The following CDK14 variants were observed in gnomAD, a reference collection of about 807,000 sequenced individuals.
CDK14 encodes the protein cyclin dependent kinase 14.
Under a neutral mutation model 60.7 loss-of-function variants are expected in CDK14, and 34 were observed. The ratio of observed to expected loss-of-function variants is 0.56; its 90% CI spans 0.43 to 0.75. The LOEUF (loss-of-function observed/expected upper bound fraction) is 0.75, where lower values mean the gene tolerates loss of function less well. Ranked by LOEUF, CDK14 falls within the 30% of genes least tolerant of loss-of-function variation. The pLI is 0.00. For synonymous variants in CDK14, 197 were observed against 203.7 expected (o/e 0.97, Z 0.28); for missense variants, 482 against 564.1 (o/e 0.85, Z 1.47).
At position 91,185,606 on chromosome 7, in the gene CDK14, C is replaced by T. The variant is rs145585194; in HGVS notation, c.*29-21559C>T. Among the ~76,000 whole-genome samples the T allele has an allele frequency of 7.2e-5, 11 of 152,010 alleles. No individual in the cohort carries two copies. The East Asian group carries it at 1.7e-3, about 24-fold the overall frequency. ...ATCATTATAAAATGGGCAAGTTACTCCCAAAACTATGGGAGGCTTTTTACC... is the reference window on the plus strand; with the variant it reads ...ATCATTATAAAATGGGCAAGTTACTTCCAAAACTATGGGAGGCTTTTTACC... On this transcript the variant is annotated intron_variant, in intron 14 of 14. Coordinates refer to ENST00000380050, the MANE Select transcript of CDK14 (RefSeq NM_001287135.2).
chr7:91,110,873 A>G (rs1274479738), intron 12 of CDK14, among the ~76,000 whole-genome samples: 2 of 152,204 alleles, frequency 1.3e-5, no homozygotes, highest in Admixed American at 6.6e-5. Context: ...CATGAAGCCT[A>G]TCTCAAACTT....
chr7:91,055,950 T>C (rs1797538064), intron 11 of CDK14, among the ~76,000 whole-genome samples: 1 of 152,222 alleles, frequency 6.6e-6, no homozygotes, highest in South Asian at 2.1e-4. Context: ...CCTAATGTTT[T>C]ATGTTTATCC....
intron 6 of CDK14, among the ~76,000 whole-genome samples, chr7:90,887,599 T>C (rs1267115573): frequency 6.6e-6 from 1 of 152,190 alleles, no homozygotes; most frequent in East Asian, 1.9e-4. Context: ...TTTTAGTTTG[T>C]CTTGTCTTGG....
intron 2 of CDK14, among the ~76,000 whole-genome samples, chr7:90,719,951 A>G (rs970806787): frequency 1.3e-5 from 2 of 152,224 alleles, no homozygotes; most frequent in Admixed American, 1.3e-4. Context: ...TGCCTTGGGC[A>G]GAGGTGCCAA....
intron 9 of CDK14, among the ~76,000 whole-genome samples, chr7:90,967,779 T>G (rs78381448): frequency 0.01 from 1,555 of 152,280 alleles, 25 homozygotes; most frequent in African/African-American, 0.034. Context: ...CAAAAGTAGT[T>G]AGTGAAGCAT....
intron 7 of CDK14, among the ~76,000 whole-genome samples, chr7:90,904,781 C>T (rs1328803243): frequency 1.3e-5 from 2 of 152,022 alleles, no homozygotes; most frequent in East Asian, 3.9e-4. Flanking sequence ...TGCAAAATTT[C>T]AGAACACTGG....
intron 4 of CDK14, among the ~76,000 whole-genome samples, chr7:90,748,483 A>C (rs1246521446): frequency 5.9e-5 from 9 of 152,238 alleles, no homozygotes; most frequent in Non-Finnish European, 2.9e-5. Context: ...ACAACCACAG[A>C]AGTCACAAGC....
intron 1 of CDK14, 80 bp from the exon 2 acceptor site, chr7:90,604,137 TG>T (rs1325761302): frequency 5.6e-6 from 5 of 889,714 alleles, no homozygotes; most frequent in African/African-American, 1.7e-5. Flanking sequence ...CATACTGCCT[TG>T]TTTTTTTTTC....
At chr7:91,165,101 A>G (rs990818672) in intron 14 of CDK14, among the ~76,000 whole-genome samples, 1 of 152,212 alleles carries the variant, frequency 6.6e-6, no homozygotes, top group Admixed American at 6.5e-5. Context: ...CCTGGTTCAT[A>G]CAGTCACAAC....
rs374387121 is a variant in CDK14, at chr7:90,799,739, G to A, written c.544+9087G>A. Among the ~76,000 whole-genome samples the A allele has an allele frequency of 2.0e-4, 29 of 147,876 alleles. No individual in the cohort carries two copies. The South Asian group carries it at 2.4e-3, about 12-fold the overall frequency. On this transcript the variant is annotated intron_variant, in intron 5 of 14. Transcript: ENST00000380050. Reference sequence around the variant, plus strand: ...AAAAGCTGAACCTGAGCAATCATACGGCAGAGCCTATACTTAAACGTTATA... The same window carrying A: ...AAAAGCTGAACCTGAGCAATCATACAGCAGAGCCTATACTTAAACGTTATA...
At chr7:91,014,059 A>G (rs1023409562) in intron 10 of CDK14, among the ~76,000 whole-genome samples, 2 of 152,044 alleles carry the variant, frequency 1.3e-5, no homozygotes, top group Admixed American at 6.6e-5. Flanking sequence ...ACCTTGAAAT[A>G]TCACACTAGA....
chr7:90,854,809 C>T (rs1021861922), intron 5 of CDK14, among the ~76,000 whole-genome samples: 3 of 152,062 alleles, frequency 2.0e-5, no homozygotes, highest in Non-Finnish European at 4.4e-5. Context: ...AAATAAAAAA[C>T]CTGTTATCAG....
chr7:90,648,439 A>G lies in CDK14; in HGVS notation c.123+44190A>G, dbSNP rs376128458. Among the ~76,000 whole-genome samples the G allele has an allele frequency of 1.4e-4, 22 of 152,116 alleles. No homozygotes were observed. In the South Asian group the frequency reaches 4.6e-3, roughly 32 times the overall value. ...CACATTGTCATTTCTGTAATATCCTATTGCAGGTGCAGTATCCACACAGGT... is the reference window on the plus strand; with the variant it reads ...CACATTGTCATTTCTGTAATATCCTGTTGCAGGTGCAGTATCCACACAGGT... On this transcript the variant is annotated intron_variant, in intron 2 of 14. Coordinates refer to ENST00000380050, the MANE Select transcript of CDK14 (RefSeq NM_001287135.2).
chr7:90,915,791 A>T (rs1437065233), intron 7 of CDK14, among the ~76,000 whole-genome samples: 1 of 152,212 alleles, frequency 6.6e-6, no homozygotes, highest in African/African-American at 2.4e-5. Context: ...CTCATTACTA[A>T]TATGGAGGTT....
intron 14 of CDK14, among the ~76,000 whole-genome samples, chr7:91,190,253 G>C (rs916318217): frequency 9.9e-5 from 15 of 152,276 alleles, no homozygotes; most frequent in African/African-American, 3.6e-4. Context: ...CTTGGAAAGG[G>C]GAGGAAATGA....
chr7:90,682,791 G>T (rs1377949857), intron 2 of CDK14, among the ~76,000 whole-genome samples: 1 of 152,048 alleles, frequency 6.6e-6, no homozygotes, highest in African/African-American at 2.4e-5. Context: ...CTATATTTAT[G>T]AATTGACATT....
chr7:91,134,966 G>A lies in CDK14; in HGVS notation c.*28+16758G>A, dbSNP rs61298665. ...CCTGAACCAGCTTATTAAATTGGCCGTTTTATGTAGTATTCAAATATGTAT... is the reference window on the plus strand; with the variant it reads ...CCTGAACCAGCTTATTAAATTGGCCATTTTATGTAGTATTCAAATATGTAT... On this transcript the variant is annotated intron_variant, in intron 14 of 14. Transcript: ENST00000380050. Among the ~76,000 whole-genome samples, 348 of 152,024 alleles carry A rather than the reference G, an allele frequency of 2.3e-3. 2 individuals carry two copies. Among genetic ancestry groups the A allele is most frequent in the African/African-American group, 7.7e-3 (320 of 41,462 alleles).
intron 11 of CDK14, among the ~76,000 whole-genome samples, chr7:91,050,134 G>A (rs1797348643): frequency 6.6e-6 from 1 of 152,122 alleles, no homozygotes; most frequent in African/African-American, 2.4e-5. Context: ...GACGACGTGG[G>A]GCCTTGAGGG....
chr7:90,791,251 C>T (rs1459475671), intron 5 of CDK14, among the ~76,000 whole-genome samples: 3 of 152,004 alleles, frequency 2.0e-5, no homozygotes, highest in African/African-American at 7.2e-5. Context: ...ATAGCTCTAT[C>T]TTTGCTTTGT....
Sources: allele counts gnomAD v4.1 joint callset (sites outside exome capture counted in the v4.1 genomes callset), GRCh38; gene constraint gnomAD v4.1.1; transcripts MANE v1.5; gene names NCBI Gene and HGNC (gene_info 2026-07-23, HGNC 2026-07-21).